Variants in PLAC1 observed in about 807,000 individuals in gnomAD.
PLAC1 encodes the protein placenta associated 1.
For missense variants in PLAC1, 136 were observed against 163.2 expected (o/e 0.83, Z 0.91); for synonymous variants, 68 against 62.1 (o/e 1.09, Z -0.44).
At chrX:134,596,974 T>C (rs2078065078) in intron 2 of PLAC1, among the ~76,000 whole-genome samples, 1 of 111,332 alleles carries the variant, frequency 9.0e-6, no homozygotes, top group Non-Finnish European at 1.9e-5. Flanking sequence ...CTATGATATG[T>C]CTTAGTGTGG....
intron 1 of PLAC1, chrX:134,605,742 T>A (rs2078119631): frequency 8.9e-6 from 1 of 111,998 alleles, no homozygotes; most frequent in Admixed American, 9.4e-5. Flanking sequence ...ATGGGTGGCA[T>A]TCCTGCCTTC....
At chrX:134,731,897 T>A (rs141185144) in intron 2 of PLAC1, among the ~76,000 whole-genome samples, 4 of 111,926 alleles carry the variant, frequency 3.6e-5, no homozygotes, top group African/African-American at 1.3e-4. Flanking sequence ...GGCAAACACC[T>A]GTAGTTCCAG....
chrX:134,663,746 T>A (rs747076000), intron 2 of PLAC1, among the ~76,000 whole-genome samples: 1 of 112,711 alleles, frequency 8.9e-6, no homozygotes, highest in Admixed American at 9.4e-5. Flanking sequence ...CAGGAAAAGA[T>A]AACATTTCAC....
chrX:134,624,908 T>TGATAGATAGATAGATA (rs58742246), intron 1 of PLAC1, among the ~76,000 whole-genome samples: 1 of 103,380 alleles, frequency 9.7e-6, no homozygotes, highest in Non-Finnish European at 2.0e-5. Context: ...GACAGATAAA[T>TGATAGATAGATAGATA]GATAGATAGA....
chrX:134,662,274 C>T (rs189949729), upstream of PLAC1, among the ~76,000 whole-genome samples: 194 of 111,529 alleles, frequency 1.7e-3, 1 homozygote, highest in African/African-American at 5.7e-3. Context: ...AATACATATG[C>T]GAAACTCATC....
chrX:134,671,973 G>T (rs2078457352), intron 2 of PLAC1, among the ~76,000 whole-genome samples: 1 of 111,562 alleles, frequency 9.0e-6, no homozygotes, highest in South Asian at 3.8e-4. Context: ...AGAAAGTTCT[G>T]TTCCTTTATT....
At chrX:134,705,683 T>C (rs952631035) in intron 2 of PLAC1, among the ~76,000 whole-genome samples, 1 of 111,512 alleles carries the variant, frequency 9.0e-6, no homozygotes, top group Non-Finnish European at 1.9e-5. Flanking sequence ...CTTTATTACA[T>C]GCATTACAGA....
At chrX:134,746,628 G>A (rs1188359963) in intron 1 of PLAC1, among the ~76,000 whole-genome samples, 6 of 111,587 alleles carry the variant, frequency 5.4e-5, no homozygotes, top group Non-Finnish European at 1.1e-4. Context: ...GCCATATCAC[G>A]TATCATATAT....
At chrX:134,686,186 T>C (rs2078516424) in intron 2 of PLAC1, among the ~76,000 whole-genome samples, 1 of 111,608 alleles carries the variant, frequency 9.0e-6, no homozygotes, top group Non-Finnish European at 1.9e-5. Flanking sequence ...TGCATGACTT[T>C]AAGAAAATCC....
chrX:134,694,269 A>G (rs1323195033), intron 2 of PLAC1, among the ~76,000 whole-genome samples: 1 of 111,617 alleles, frequency 9.0e-6, no homozygotes, highest in East Asian at 2.8e-4. Context: ...TATTCATTAG[A>G]CATGTTAATT....
intron 2 of PLAC1, among the ~76,000 whole-genome samples, chrX:134,727,376 A>G (rs1349042844): frequency 8.9e-6 from 1 of 112,294 alleles, no homozygotes; most frequent in Admixed American, 9.5e-5. Context: ...ACATAAAGGC[A>G]GATAATGAAT....
At chrX:134,713,256 C>T (rs2078633456) in intron 2 of PLAC1, among the ~76,000 whole-genome samples, 1 of 112,090 alleles carries the variant, frequency 8.9e-6, no homozygotes, top group African/African-American at 3.2e-5. Flanking sequence ...ATTTGCAACA[C>T]TCATACATTG....
intron 2 of PLAC1, among the ~76,000 whole-genome samples, chrX:134,573,496 T>A (rs1366856272): frequency 9.0e-6 from 1 of 111,241 alleles, no homozygotes; most frequent in Non-Finnish European, 1.9e-5. Context: ...CAAAACCAGA[T>A]AAAGGCCCAT....
At chrX:134,660,147 C>G (rs888714913), upstream of PLAC1, among the ~76,000 whole-genome samples, 1 of 109,262 alleles carries the variant, frequency 9.2e-6, no homozygotes, top group Non-Finnish European at 1.9e-5. Flanking sequence ...CTCTATCACC[C>G]AGGCTGGAGT....
intron 2 of PLAC1, among the ~76,000 whole-genome samples, chrX:134,731,260 T>G (rs1036695581): frequency 8.9e-6 from 1 of 111,983 alleles, no homozygotes; most frequent in Non-Finnish European, 1.9e-5. Context: ...TCAGTTTGTA[T>G]CTCTATAAAA....
At chrX:134,666,229 C>T (rs1368941296) in intron 2 of PLAC1, among the ~76,000 whole-genome samples, 1 of 111,099 alleles carries the variant, frequency 9.0e-6, no homozygotes, top group East Asian at 2.8e-4. Flanking sequence ...TCGTCAGTTG[C>T]TAGGTAGGGC....
chrX:134,591,939 T>C (rs2078040907), intron 2 of PLAC1, among the ~76,000 whole-genome samples: 1 of 112,595 alleles, frequency 8.9e-6, no homozygotes, highest in African/African-American at 3.2e-5. Context: ...AATCCATGTT[T>C]CCTCTTTGGT....
In PLAC1 at chrX:134,750,857, ATATT is replaced by A. The variant is rs1312079380; in HGVS notation, n.89+13373_89+13376del. ...TATTTATATATATATTTATATATATATATTTTTATATATATATATTTATAAATAT... is the reference window on the plus strand; with the variant it reads ...TATTTATATATATATTTATATATATATTTATATATATATATTTATAAATAT... On this transcript the variant is annotated intron_variant and non_coding_transcript_variant, in intron 1 of 2. Coordinates refer to the PLAC1 transcript ENST00000466797. Among the ~76,000 whole-genome samples the A allele has an allele frequency of 1.0e-3, 24 of 23,434 alleles. 6 individuals carry two copies. Among genetic ancestry groups the A allele is most frequent in the African/African-American group, 8.0e-3 (21 of 2,610 alleles). 20.3% of individuals were successfully genotyped at this position (23,434 alleles called of 115,157 possible).
chrX:134,713,953 G>A (rs1204390352), intron 2 of PLAC1, among the ~76,000 whole-genome samples: 4 of 111,806 alleles, frequency 3.6e-5, no homozygotes, highest in Non-Finnish European at 7.5e-5. Flanking sequence ...GGAACCGAAT[G>A]AGAAGGGCAG....
Sources: gnomAD v4.1 joint callset for allele counts (sites outside exome capture counted in the v4.1 genomes callset) on GRCh38, gnomAD v4.1.1 for gene constraint, MANE v1.5 for transcripts, NCBI Gene and HGNC (gene_info 2026-07-23, HGNC 2026-07-21) for gene names.